The following APEH variants were observed in gnomAD, a reference collection of about 807,000 sequenced individuals.
APEH encodes the protein acylaminoacyl-peptide hydrolase, also known as acylamino-acid-releasing enzyme.
In APEH, 75 loss-of-function variants were observed where a neutral mutation model predicts 102.7. The ratio of observed to expected loss-of-function variants is 0.73; its 90% CI spans 0.61 to 0.89. The LOEUF is 0.89. Ranked by LOEUF, APEH falls within the 40% of genes least tolerant of loss-of-function variation. APEH has a pLI of 0.00. For missense variants in APEH, 863 were observed against 941.2 expected, an observed-to-expected ratio of 0.92 and a Z score of 1.09; for synonymous variants, 344 against 362.7, an observed-to-expected ratio of 0.95 and a Z score of 0.59.
rs376414712 is a variant in APEH at position 49,676,869 on chromosome 3, G to A, written c.878-34G>A. ...TTGCTGACACATGTTGGCCCTGCCAGCCTGCGTGATGCTCATGTTTCCATC... is the reference window on the plus strand; with the variant it reads ...TTGCTGACACATGTTGGCCCTGCCAACCTGCGTGATGCTCATGTTTCCATC... On this transcript the variant is annotated intron_variant, in intron 9 of 21. Transcript: ENST00000296456. 10 of 1,614,258 alleles carry A rather than the reference G, an allele frequency of 6.2e-6. No homozygotes were observed. In the South Asian group the frequency reaches 7.7e-5, roughly 12 times the overall value.
Position 49,682,445 on chromosome 3 carries a change from G to A in APEH, c.1692+9G>A, listed in dbSNP as rs531582580. 4.3e-6 allele frequency: 7 copies of A among 1,613,660 alleles called. No individual in the cohort carries two copies. In the South Asian group the frequency reaches 6.6e-5, roughly 15 times the overall value. ...ATGTGAAGGATGTCCAGGTAGCAGGGGCTGGGGCTTCTGGACAGGCTGAAA... is the reference window on the plus strand; with the variant it reads ...ATGTGAAGGATGTCCAGGTAGCAGGAGCTGGGGCTTCTGGACAGGCTGAAA... On this transcript the variant is annotated intron_variant, in intron 18 of 21. Transcript: ENST00000296456.
In APEH at chr3:49,680,625, C is replaced by T. The variant is rs1317506002; in HGVS notation, c.1295C>T (p.Thr432Ile). The T allele has an allele frequency of 1.2e-6, 2 of 1,613,864 alleles. No homozygotes were observed. Among genetic ancestry groups the T allele is most frequent in the East Asian group, 4.5e-5 (2 of 44,876 alleles). The part of the protein sequence containing the change: ...AQFSTPSLPP[T>I]LKVGFLPSAG... ...TTTTCCACACCCAGCCTACCTCCAACCCTGGTGAGTGTCGGTGGGTCCCAG... is the reference window on the plus strand; with the variant it reads ...TTTTCCACACCCAGCCTACCTCCAATCCTGGTGAGTGTCGGTGGGTCCCAG... The change falls in exon 14 of 22, where the codon ACC (threonine) becomes ATC (isoleucine). Residue 432 changes from threonine to isoleucine, a missense_variant. Coordinates refer to ENST00000296456, the MANE Select transcript of APEH (RefSeq NM_001640.4).
At chr3:49,681,342 G>C in intron 15 of APEH, 103 bp downstream of exon 15, 1 of 1,320,550 alleles carries the variant, frequency 7.6e-7, no homozygotes, top group Non-Finnish European at 9.9e-7. Context: ...GGGGTTTCTG[G>C]TGATGACCTC....
intron 10 of APEH, 117 bp downstream of exon 10, chr3:49,677,141 C>T (rs918181227): frequency 7.0e-7 from 1 of 1,434,470 alleles, no homozygotes; most frequent in Non-Finnish European, 9.5e-7. Context: ...CTTCTGTCCT[C>T]AATGCAGCAG....
chr3:49,683,378 C>A lies in APEH; in HGVS notation c.*36C>A. 6.4e-7 allele frequency: 1 copy of A among 1,557,368 alleles called. No homozygotes were observed. The highest frequency in any genetic ancestry group is 8.9e-7 in the Non-Finnish European group (1 of 1,129,172). Reference sequence around the variant, plus strand: ...TTCTGCATGAGCTGATCAGCCTGTGCCACACTTCGCTCTTGAGGAGCTCAA... The same window carrying A: ...TTCTGCATGAGCTGATCAGCCTGTGACACACTTCGCTCTTGAGGAGCTCAA... On this transcript the variant is annotated 3_prime_UTR_variant, in exon 22 of 22. Transcript: ENST00000296456.
chr3:49,677,552 G>T, intron 10 of APEH, 21 bp from the exon 11 acceptor site: 1 of 1,609,868 alleles, frequency 6.2e-7, no homozygotes, highest in South Asian at 1.1e-5. Context: ...TACTGGACCT[G>T]ACCATTGTGT....
At chr3:49,674,266 G>A (rs1258750877), upstream of APEH, 17 of 1,196,692 alleles carry the variant, frequency 1.4e-5, no homozygotes, top group Non-Finnish European at 1.8e-5. Flanking sequence ...TCACCCATTA[G>A]CCGAAGGCCC....
chr3:49,674,291 T>A (rs966514148), upstream of APEH: 57 of 1,369,166 alleles, frequency 4.2e-5, no homozygotes, highest in African/African-American at 8.0e-4. Context: ...CCTCACAGAT[T>A]GCCGCAGGGC....
In APEH at chr3:49,682,960, C is replaced by A; in HGVS notation, c.1986+15C>A. The A allele has an allele frequency of 1.2e-6, 2 of 1,611,808 alleles. No individual in the cohort carries two copies. The highest frequency in any genetic ancestry group is 1.7e-6 in the Non-Finnish European group (2 of 1,178,794). ...ACATCCCTCAGGTATGCAGCCCCCT[C>A]CTTGCCCTGTGTGCTGCCCATCCAT... On this transcript the variant is annotated intron_variant, in intron 20 of 21. Coordinates refer to ENST00000296456, the MANE Select transcript of APEH (RefSeq NM_001640.4).
chr3:49,681,610 C>A, intron 15 of APEH, 112 bp from the exon 16 acceptor site: 1 of 1,003,042 alleles, frequency 1.0e-6, no homozygotes, highest in Non-Finnish European at 1.4e-6. Context: ...GTGTGGACTA[C>A]CTTGGCCAGG....
chr3:49,674,960 G>A (rs1353441906), intron 2 of APEH, among the ~76,000 whole-genome samples: 2 of 152,178 alleles, frequency 1.3e-5, no homozygotes, highest in East Asian at 3.8e-4. Context: ...GGATGCTGGG[G>A]TTACTAGGGG....
chr3:49,676,163 G>T lies in APEH; in HGVS notation c.550G>T (p.Val184Phe), dbSNP rs773068447. 8 of 1,614,194 alleles carry T rather than the reference G, an allele frequency of 5.0e-6. No individual in the cohort carries two copies. Among genetic ancestry groups the T allele is most frequent in the Non-Finnish European group, 6.8e-6 (8 of 1,180,042 alleles). Residue 184 changes from valine to phenylalanine, a missense_variant, in exon 6 of 22, where the codon GTC becomes TTC. By Grantham distance (50) the Val-to-Phe change is conservative. Coordinates refer to ENST00000296456, the MANE Select transcript of APEH (RefSeq NM_001640.4). ...CTTCTTTCAGACCAAAGCCTTGGAC[G>T]TCAGTGCCAGCGATGATGAGATAGC... Reference protein sequence around the residue: ...ESFFQTKALDVSASDDEIARL... With the variant: ...ESFFQTKALDFSASDDEIARL...
upstream of APEH, chr3:49,674,066 A>C: frequency 1.9e-5 from 8 of 411,126 alleles, no homozygotes; most frequent in South Asian, 1.2e-4. Context: ...TTCCGCTTCC[A>C]CAGGGCCGCC....
rs1436165617 is a variant in APEH, at chr3:49,683,235, A to G, written c.2094-2A>G. ...TTAAATGTTGCTGACTAATCCCTAC[A>G]GGCTCCTGCTCTATCCCAAAAGCAC... On this transcript the variant is annotated splice_acceptor_variant, in intron 21 of 21. Coordinates refer to ENST00000296456, the MANE Select transcript of APEH (RefSeq NM_001640.4). LOFTEE classifies it high-confidence loss of function. 6.2e-7 allele frequency: 1 copy of G among 1,613,246 alleles called. No individual in the cohort carries two copies. The highest frequency in any genetic ancestry group is 8.5e-7 in the Non-Finnish European group (1 of 1,179,208).
At chr3:49,676,292 C>G in intron 6 of APEH, 73 bp downstream of exon 6, 1 of 1,610,988 alleles carries the variant, frequency 6.2e-7, no homozygotes, top group Non-Finnish European at 8.5e-7. Context: ...CCATACTGTG[C>G]CTGTCAGACC....
rs2053447344 is a variant in APEH at position 49,683,395 on chromosome 3, G to A, written c.*53G>A. On this transcript the variant is annotated 3_prime_UTR_variant, in exon 22 of 22. Transcript: ENST00000296456. ...AGCCTGTGCCACACTTCGCTCTTGA[G>A]GAGCTCAACGGTCTGGCAGGGCAGC... is the stretch of plus-strand genomic sequence containing the variant. The A allele has an allele frequency of 2.7e-6, 4 of 1,489,698 alleles. No individual in the cohort carries two copies. The highest frequency in any genetic ancestry group is 3.7e-6 in the Non-Finnish European group (4 of 1,068,306). 92.3% of individuals were successfully genotyped at this position (1,489,698 alleles called of 1,614,324 possible).
At position 49,679,290 on chromosome 3, in the gene APEH, A is replaced by G. The variant is rs1355549400; in HGVS notation, c.1159-303A>G. Among the ~76,000 whole-genome samples the G allele has an allele frequency of 3.9e-5, 6 of 152,256 alleles. No homozygotes were observed. The highest frequency in any genetic ancestry group is 1.5e-5 in the Non-Finnish European group (1 of 68,004). On this transcript the variant is annotated intron_variant, in intron 12 of 21. Transcript: ENST00000296456. The surrounding 1 kb of genome is among the most constrained non-coding windows in gnomAD (Gnocchi z 4.3). The stretch of plus-strand genomic sequence containing the variant: ...GAGGCCTTCCCCCAGGGATGGAGTA[A>G]AGCCACTCACAGTGTGCCAGGCTCC...
In APEH at chr3:49,679,625, T is replaced by G. The variant is rs1280397835; in HGVS notation, c.1191T>G (p.Thr397=). The G allele has an allele frequency of 6.2e-7, 1 of 1,613,786 alleles. No homozygotes were observed. Among genetic ancestry groups the G allele is most frequent in the Admixed American group, 1.7e-5 (1 of 59,992 alleles). The part of the protein sequence containing the change: ...DLFAVDTQVG[T]VTSLTAGGSG... ...TTGCTGTGGACACCCAAGTGGGCAC[T>G]GTGACCTCCCTCACAGCTGGTGAGC... Residue 397 remains threonine, a synonymous_variant, in exon 13 of 22, where the codon ACT becomes ACG. Coordinates refer to ENST00000296456, the MANE Select transcript of APEH (RefSeq NM_001640.4). The surrounding 1 kb of genome is among the most constrained non-coding windows in gnomAD (Gnocchi z 4.3).
At chr3:49,673,803 T>G (rs1453033306), upstream of APEH, among the ~76,000 whole-genome samples, 1 of 116,640 alleles carries the variant, frequency 8.6e-6, no homozygotes, top group African/African-American at 4.6e-5. Flanking sequence ...ACCCTCACCC[T>G]CACGCTCACG....
Sources: gnomAD v4.1 joint callset for allele counts (sites outside exome capture counted in the v4.1 genomes callset) on GRCh38, gnomAD v4.1.1 for gene constraint, Gnocchi (gnomAD v3.1) non-coding constraint, MANE v1.5 for transcripts, NCBI Gene and HGNC (gene_info 2026-07-23, HGNC 2026-07-21) for gene names.